The following IPCEF1 variants were observed in gnomAD, a reference collection of about 807,000 sequenced individuals.
IPCEF1 encodes the protein interaction protein for cytohesin exchange factors 1.
A neutral mutation model predicts 50.9 loss-of-function variants in IPCEF1; 31 were observed. The observed-to-expected ratio is 0.61, with a 90% confidence interval of 0.46 to 0.82. The LOEUF (loss-of-function observed/expected upper bound fraction) is 0.82. Ranked by LOEUF, IPCEF1 falls within the 40% of genes least tolerant of loss-of-function variation. The probability of loss-of-function intolerance (pLI) is 0.00; values close to 1 mark genes in which losing one functional copy is unlikely to be tolerated. For synonymous variants in IPCEF1, 181 were observed against 192.0 expected (o/e 0.94, Z 0.47); for missense variants, 458 against 514.0 (o/e 0.89, Z 1.05).
intron 1 of IPCEF1, among the ~76,000 whole-genome samples, chr6:154,311,742 AT>A (rs1433585176): frequency 6.6e-6 from 1 of 152,360 alleles, no homozygotes; most frequent in East Asian, 1.9e-4. Flanking sequence ...GTAGTGAGAG[AT>A]CGCCTCACCC....
chr6:154,264,293 C>A (rs1781695877), intron 3 of IPCEF1, among the ~76,000 whole-genome samples: 1 of 151,964 alleles, frequency 6.6e-6, no homozygotes, highest in South Asian at 2.1e-4. Flanking sequence ...TGATTCAGGC[C>A]TGTGTGTGCT....
At chr6:154,164,666 G>A (rs1799286834) in intron 11 of IPCEF1, among the ~76,000 whole-genome samples, 1 of 152,168 alleles carries the variant, frequency 6.6e-6, no homozygotes, top group Non-Finnish European at 1.5e-5. Context: ...CTCGACTCAA[G>A]ACCTAAGCAT....
chr6:154,159,612 ACTC>A lies in IPCEF1; in HGVS notation c.*213_*215del. The A allele has an allele frequency of 1.8e-6, 1 of 556,024 alleles. No individual in the cohort carries two copies. The highest frequency in any genetic ancestry group is 3.2e-5 in the East Asian group (1 of 31,452). 34.4% of individuals were successfully genotyped at this position (556,024 alleles called of 1,614,324 possible). A position where few individuals can be genotyped will look rare whatever the true frequency, so the allele number is the denominator to read the frequency against. On this transcript the variant is annotated 3_prime_UTR_variant, in exon 12 of 12. Coordinates refer to ENST00000367220, the MANE Select transcript of IPCEF1 (RefSeq NM_001130700.2). ...AACACAAAAAACGCCTTTCAACTGAACTCAATCATTCCAATCTCAATGGATGCG... is the reference window on the plus strand; with the variant it reads ...AACACAAAAAACGCCTTTCAACTGAAAATCATTCCAATCTCAATGGATGCG...
At position 154,154,814 on chromosome 6, in the gene IPCEF1, T is replaced by C. The variant is rs17085103; in HGVS notation, c.*5014A>G. 1 of 152,376 alleles carries C rather than the reference T, an allele frequency of 6.6e-6. No individual in the cohort carries two copies. Among genetic ancestry groups the C allele is most frequent in the African/African-American group, 2.4e-5 (1 of 41,296 alleles). 9.4% of individuals were successfully genotyped at this position (152,376 alleles called of 1,614,324 possible). A position where few individuals can be genotyped will look rare whatever the true frequency, so the allele number is the denominator to read the frequency against. On this transcript the variant is annotated 3_prime_UTR_variant, in exon 12 of 12. Transcript: ENST00000367220. ...ATGCCTCTTTTTCAGTTTAGAGGGG[T>C]AGCTGACACAGGATGAGAGCACAGT...
chr6:154,237,259 C>T (rs189685033), intron 5 of IPCEF1, among the ~76,000 whole-genome samples: 10 of 152,342 alleles, frequency 6.6e-5, no homozygotes, highest in Middle Eastern at 3.4e-3. Context: ...CCCACACCCT[C>T]ACCATTAACT....
Position 154,159,802 on chromosome 6 carries a change from TAA to T in IPCEF1, c.*24_*25del. On this transcript the variant is annotated 3_prime_UTR_variant, in exon 12 of 12. Transcript: ENST00000367220. ...TTGAAGAGTTGCTTGTGATAAAATA[TAA>T]GAGGAGAAAACCCTGACTTTGTCTC... The T allele has an allele frequency of 1.3e-6, 2 of 1,551,396 alleles. No homozygotes were observed.
intron 1 of IPCEF1, among the ~76,000 whole-genome samples, chr6:154,309,587 T>C (rs542396798): frequency 6.6e-6 from 1 of 152,246 alleles, no homozygotes; most frequent in Admixed American, 6.5e-5. Flanking sequence ...GCCCTCCTTG[T>C]TCTTGGAGAA....
In IPCEF1 at chr6:154,205,743, A is replaced by C. The variant is rs557106441; in HGVS notation, c.538-5703T>G. On this transcript the variant is annotated intron_variant, in intron 9 of 11. Transcript: ENST00000367220. ...TTCAGAGGACAATGAATAAACTGCA[A>C]TTAGGACAAGGTGCACATTTTCCAT... is the stretch of plus-strand genomic sequence containing the variant. 1.4e-4 allele frequency among the ~76,000 whole-genome samples: 21 copies of C among 152,352 alleles called. 2 individuals carry two copies. The highest frequency in any genetic ancestry group is 6.2e-4 in the South Asian group (3 of 4,826).
chr6:154,273,712 C>G (rs149898245), intron 2 of IPCEF1, among the ~76,000 whole-genome samples: 10 of 6,690 alleles, frequency 1.5e-3, no homozygotes, highest in African/African-American at 3.7e-3. Context: ...TTTTTTCTTT[C>G]TTTCTTTCTT....
Position 154,180,554 on chromosome 6 carries a change from C to A in IPCEF1, c.911-12441G>T, listed in dbSNP as rs187338143. 4.1e-3 allele frequency among the ~76,000 whole-genome samples: 628 copies of A among 152,022 alleles called. 8 individuals are homozygous for A. Among genetic ancestry groups the A allele is most frequent in the African/African-American group, 0.014 (591 of 41,448 alleles). On this transcript the variant is annotated intron_variant, in intron 10 of 11. Coordinates refer to ENST00000367220, the MANE Select transcript of IPCEF1 (RefSeq NM_001130700.2). Reference sequence around the variant, plus strand: ...GCTCCCTTCTCCTCCTCTTCCATACCCCAGTCTATTGTCTGCTCTGACAGC... The same window carrying A: ...GCTCCCTTCTCCTCCTCTTCCATACACCAGTCTATTGTCTGCTCTGACAGC...
chr6:154,240,888 T>C (rs1232781606), intron 5 of IPCEF1, among the ~76,000 whole-genome samples: 2 of 152,164 alleles, frequency 1.3e-5, no homozygotes, highest in Non-Finnish European at 2.9e-5. Context: ...CTGTAATATA[T>C]ACAAAACCAG....
chr6:154,311,798 G>T (rs1278456299), intron 1 of IPCEF1, among the ~76,000 whole-genome samples: 1 of 152,180 alleles, frequency 6.6e-6, no homozygotes, highest in Non-Finnish European at 1.5e-5. Flanking sequence ...GATAACAAGT[G>T]TTGGTGAAGA....
chr6:154,341,998 G>A (rs1396905363), intron 1 of IPCEF1, among the ~76,000 whole-genome samples: 1 of 152,082 alleles, frequency 6.6e-6, no homozygotes, highest in Non-Finnish European at 1.5e-5. Context: ...TAAGCATAGA[G>A]GTTGAGTCAT....
At chr6:154,221,081 G>A (rs367734214) in intron 7 of IPCEF1, among the ~76,000 whole-genome samples, 176 bp downstream of exon 7, 1 of 152,112 alleles carries the variant, frequency 6.6e-6, no homozygotes, top group African/African-American at 2.4e-5. Context: ...TCTCCAAACC[G>A]TTTCCAAATA....
chr6:154,238,916 ATTG>A (rs959491729), intron 5 of IPCEF1, among the ~76,000 whole-genome samples: 1 of 150,972 alleles, frequency 6.6e-6, no homozygotes, highest in East Asian at 1.9e-4. Context: ...TGGATTCTAT[ATTG>A]TTGTTTTTTT....
intron 2 of IPCEF1, among the ~76,000 whole-genome samples, chr6:154,278,523 C>A (rs1328095516): frequency 1.3e-5 from 2 of 152,174 alleles, no homozygotes; most frequent in African/African-American, 2.4e-5. Flanking sequence ...CCAAGTCAAC[C>A]CCTCTCCAAA....
chr6:154,208,288 G>T (rs925733434), intron 9 of IPCEF1, among the ~76,000 whole-genome samples: 2 of 152,142 alleles, frequency 1.3e-5, no homozygotes, highest in Non-Finnish European at 2.9e-5. Context: ...AGGAGACCTT[G>T]ACTCTCACTG....
intron 2 of IPCEF1, among the ~76,000 whole-genome samples, chr6:154,267,969 G>A (rs9479804): frequency 0.44 from 66,687 of 152,068 alleles, 15,855 homozygotes; most frequent in East Asian, 0.65. Flanking sequence ...TGGTCCATGG[G>A]TGGCCATGGG....
intron 5 of IPCEF1, among the ~76,000 whole-genome samples, chr6:154,234,265 C>T (rs971399060): frequency 7.9e-5 from 12 of 152,190 alleles, no homozygotes; most frequent in African/African-American, 2.6e-4. Flanking sequence ...GAAAACTCTG[C>T]GGTACATGTT....
Sources: gnomAD v4.1 joint callset for allele counts (sites outside exome capture counted in the v4.1 genomes callset) on GRCh38, gnomAD v4.1.1 for gene constraint, MANE v1.5 for transcripts, NCBI Gene and HGNC (gene_info 2026-07-23, HGNC 2026-07-21) for gene names.